Variants in MARCHF11 observed in about 807,000 individuals in gnomAD.
The protein encoded by MARCHF11 is membrane associated ring-CH-type finger 11, also known as E3 ubiquitin-protein ligase MARCHF11.
A neutral mutation model predicts 37.3 loss-of-function variants in MARCHF11; 29 were observed. The observed-to-expected ratio is 0.78, with a 90% CI of 0.58 to 1.06. MARCHF11 has a LOEUF of 1.06. Ranked by LOEUF, MARCHF11 falls within the 50% of genes least tolerant of loss-of-function variation. The pLI, the probability that MARCHF11 is intolerant of heterozygous loss-of-function variation, is 0.00. For synonymous variants in MARCHF11, 233 were observed against 228.0 expected, an observed-to-expected ratio of 1.02 and a Z score of -0.20; for missense variants, 482 against 533.4, an observed-to-expected ratio of 0.90 and a Z score of 0.95.
At chr5:16,173,586 T>C (rs1738309009) in intron 2 of MARCHF11, among the ~76,000 whole-genome samples, 2 of 152,174 alleles carry the variant, frequency 1.3e-5, no homozygotes, top group Admixed American at 1.3e-4. Context: ...GGATGTCAAC[T>C]GATTTGCTCA....
At chr5:16,146,198 C>A (rs990556167) in intron 2 of MARCHF11, among the ~76,000 whole-genome samples, 2 of 152,122 alleles carry the variant, frequency 1.3e-5, no homozygotes, top group Non-Finnish European at 2.9e-5. Context: ...ATGTCAGGAA[C>A]CTTTTTGCTT....
chr5:16,076,483 T>G (rs1736520602), intron 3 of MARCHF11, among the ~76,000 whole-genome samples: 1 of 152,154 alleles, frequency 6.6e-6, no homozygotes, highest in Admixed American at 6.5e-5. Flanking sequence ...CTCCTATAAT[T>G]GGTAGAATGG....
In MARCHF11 at chr5:16,115,538, T is replaced by G. The variant is rs144545099; in HGVS notation, c.694-24457A>C. 5.9e-5 allele frequency among the ~76,000 whole-genome samples: 9 copies of G among 152,324 alleles called. No individual in the cohort carries two copies. In the East Asian group the frequency reaches 1.7e-3, roughly 29 times the overall value. On this transcript the variant is annotated intron_variant, in intron 2 of 3. Transcript: ENST00000332432. ...CAGAAAGCTTCCATGGTAGCAAGCA[T>G]CTGGTACTTTTAATACATTGAGTAA...
intron 2 of MARCHF11, among the ~76,000 whole-genome samples, chr5:16,127,795 G>T (rs1209218630): frequency 6.6e-6 from 1 of 152,174 alleles, no homozygotes; most frequent in African/African-American, 2.4e-5. Context: ...GACCTCGTCT[G>T]TCTTTCTCTG....
chr5:16,102,265 C>G (rs1226350192), intron 2 of MARCHF11, among the ~76,000 whole-genome samples: 1 of 152,124 alleles, frequency 6.6e-6, no homozygotes, highest in East Asian at 1.9e-4. Context: ...GGCTTTGCCT[C>G]AGTTCTTGGT....
chr5:16,106,389 A>G (rs549015045), intron 2 of MARCHF11, among the ~76,000 whole-genome samples: 2 of 152,236 alleles, frequency 1.3e-5, no homozygotes, highest in Non-Finnish European at 2.9e-5. Context: ...CTGTTAAAAT[A>G]TGATTGTTCT....
At chr5:16,092,053 T>C (rs1294588183) in intron 2 of MARCHF11, among the ~76,000 whole-genome samples, 3 of 152,166 alleles carry the variant, frequency 2.0e-5, no homozygotes, top group African/African-American at 7.2e-5. Flanking sequence ...TTTTTAAATC[T>C]TTAAAAAAAT....
chr5:16,134,389 T>C (rs558070955), intron 2 of MARCHF11, among the ~76,000 whole-genome samples: 1 of 152,254 alleles, frequency 6.6e-6, no homozygotes, highest in African/African-American at 2.4e-5. Flanking sequence ...GATCTCTTAT[T>C]GCCTTCTCTT....
intron 2 of MARCHF11, among the ~76,000 whole-genome samples, chr5:16,125,973 G>A (rs958074179): frequency 6.6e-6 from 1 of 152,134 alleles, no homozygotes; most frequent in African/African-American, 2.4e-5. Context: ...TTCGATTTGT[G>A]AACATAACTT....
intron 2 of MARCHF11, among the ~76,000 whole-genome samples, chr5:16,160,408 T>A (rs1738055017): frequency 6.8e-6 from 1 of 146,216 alleles, no homozygotes; most frequent in South Asian, 2.1e-4. Flanking sequence ...TTATATAATT[T>A]TATAATTTTA....
intron 3 of MARCHF11, among the ~76,000 whole-genome samples, chr5:16,084,373 T>C (rs1198716029): frequency 6.6e-6 from 1 of 152,226 alleles, no homozygotes; most frequent in Non-Finnish European, 1.5e-5. Flanking sequence ...CCAGGTGCGA[T>C]GGCTCATGCC....
intron 2 of MARCHF11, among the ~76,000 whole-genome samples, chr5:16,108,457 A>T (rs1737082231): frequency 6.6e-6 from 1 of 152,218 alleles, no homozygotes; most frequent in African/African-American, 2.4e-5. Context: ...AAGTTAAGAA[A>T]TAGGAAAGCG....
intron 2 of MARCHF11, among the ~76,000 whole-genome samples, chr5:16,149,072 T>C (rs1480447857): frequency 2.0e-5 from 3 of 152,094 alleles, no homozygotes; most frequent in African/African-American, 7.2e-5. Flanking sequence ...AGTCAGTACT[T>C]AGTCTTTCTT....
intron 2 of MARCHF11, among the ~76,000 whole-genome samples, chr5:16,162,070 G>T (rs1013297373): frequency 1.3e-5 from 2 of 152,036 alleles, no homozygotes; most frequent in African/African-American, 4.8e-5. Context: ...ATATAGAGAG[G>T]TTTTTGAAAT....
intron 3 of MARCHF11, among the ~76,000 whole-genome samples, chr5:16,084,734 T>C (rs975477477): frequency 1.3e-5 from 2 of 148,838 alleles, no homozygotes; most frequent in African/African-American, 5.0e-5. Context: ...TTGGAGAGCA[T>C]GAACTTTCTG....
At chr5:16,122,890 C>T (rs1366276698) in intron 2 of MARCHF11, among the ~76,000 whole-genome samples, 4 of 152,200 alleles carry the variant, frequency 2.6e-5, no homozygotes, top group Non-Finnish European at 5.9e-5. Flanking sequence ...TCCCCAGGAG[C>T]CACACTTTGC....
chr5:16,157,011 C>T (rs938180812), intron 2 of MARCHF11, among the ~76,000 whole-genome samples: 1 of 151,874 alleles, frequency 6.6e-6, no homozygotes, highest in African/African-American at 2.4e-5. Context: ...AATTAATATG[C>T]TCTACATTTT....
chr5:16,162,244 TC>T (rs988405185), intron 2 of MARCHF11, among the ~76,000 whole-genome samples: 2 of 151,982 alleles, frequency 1.3e-5, no homozygotes, highest in African/African-American at 4.8e-5. Flanking sequence ...ACTCATTTTT[TC>T]CATGCCCCTA....
At chr5:16,178,924 C>A (rs1738411410) in intron 1 of MARCHF11, 115 bp downstream of exon 1, 2 of 1,242,230 alleles carry the variant, frequency 1.6e-6, no homozygotes, top group Non-Finnish European at 2.1e-6. Flanking sequence ...CAGAACCAGA[C>A]GAGCCTCACT....
Sources: allele counts gnomAD v4.1 joint callset (sites outside exome capture counted in the v4.1 genomes callset), GRCh38; gene constraint gnomAD v4.1.1; transcripts MANE v1.5; gene names NCBI Gene and HGNC (gene_info 2026-07-23, HGNC 2026-07-21).